KCNU1: variants seen among roughly 807,000 people sequenced by gnomAD.
The protein encoded by KCNU1 is potassium calcium-activated channel subfamily U member 1, also known as potassium channel subfamily U member 1.
Under a neutral mutation model 126.8 loss-of-function variants are expected in KCNU1, and 93 were observed. The observed-to-expected ratio is 0.73, with a 90% CI of 0.62 to 0.87. KCNU1 has a LOEUF of 0.87. Among genes scored for constraint, KCNU1 ranks in the 40% least tolerant of loss-of-function variants. KCNU1 has a pLI of 0.00. For synonymous variants in KCNU1, 523 were observed against 494.2 expected (o/e 1.06, Z -0.77); for missense variants, 1,330 against 1,367.1 (o/e 0.97, Z 0.43).
In KCNU1 at chr8:36,887,451, TG is replaced by T. The variant is rs770264664; in HGVS notation, c.2010-18256del. ...TGTTTATTGGCCATTTGTTTTTTTT[TG>T]TTTTTTTTTTTTTTTTTGGAGAAAT... On this transcript the variant is annotated intron_variant, in intron 19 of 26. Coordinates refer to ENST00000399881, the MANE Select transcript of KCNU1 (RefSeq NM_001031836.3). Among the ~76,000 whole-genome samples, 1,166 of 144,876 alleles carry T rather than the reference TG, an allele frequency of 8.0e-3. 6 individuals are homozygous for T. The highest frequency in any genetic ancestry group is 0.014 in the Middle Eastern group (4 of 288).
chr8:36,796,456 C>T (rs1803103631), intron 2 of KCNU1, among the ~76,000 whole-genome samples: 1 of 152,126 alleles, frequency 6.6e-6, no homozygotes, highest in African/African-American at 2.4e-5. Context: ...TGTCAGACAG[C>T]TTCATTTATA....
chr8:36,924,002 G>C (rs899981881), intron 24 of KCNU1, among the ~76,000 whole-genome samples: 1 of 152,168 alleles, frequency 6.6e-6, no homozygotes, highest in African/African-American at 2.4e-5. Context: ...TTAGAGTAAG[G>C]AGCTATTATT....
chr8:36,790,635 A>T (rs1331931983), intron 2 of KCNU1, among the ~76,000 whole-genome samples: 1 of 152,158 alleles, frequency 6.6e-6, no homozygotes, highest in African/African-American at 2.4e-5. Flanking sequence ...CCATAAAAGG[A>T]GAAATTTAAA....
chr8:36,846,137 A>T (rs79606526), intron 18 of KCNU1, among the ~76,000 whole-genome samples: 3,848 of 152,364 alleles, frequency 0.025, 164 homozygotes, highest in African/African-American at 0.087. Flanking sequence ...TAAGAGATCC[A>T]GTCACTTTGT....
At chr8:36,890,027 A>T (rs1806895621) in intron 19 of KCNU1, among the ~76,000 whole-genome samples, 1 of 152,046 alleles carries the variant, frequency 6.6e-6, no homozygotes, top group Non-Finnish European at 1.5e-5. Flanking sequence ...TTTTTCTTCA[A>T]AATTGAAGGA....
intron 19 of KCNU1, among the ~76,000 whole-genome samples, chr8:36,874,869 T>G (rs561006064): frequency 2.0e-4 from 30 of 152,102 alleles, no homozygotes; most frequent in African/African-American, 7.2e-4. Context: ...TTTTTCTCCT[T>G]GAACGTCCCT....
intron 24 of KCNU1, among the ~76,000 whole-genome samples, chr8:36,928,595 A>G (rs1808602237): frequency 6.6e-6 from 1 of 152,154 alleles, no homozygotes. Context: ...TATTTTTATT[A>G]TCTTCTAATT....
intron 16 of KCNU1, among the ~76,000 whole-genome samples, chr8:36,844,934 G>A (rs996916324): frequency 3.9e-5 from 6 of 152,142 alleles, no homozygotes; most frequent in Non-Finnish European, 7.3e-5. Flanking sequence ...CTGCATCAAA[G>A]AGTATCATGG....
intron 24 of KCNU1, 101 bp from the exon 25 acceptor site, chr8:36,930,850 A>G: frequency 1.4e-6 from 1 of 709,814 alleles, no homozygotes; most frequent in Non-Finnish European, 2.3e-6. Context: ...CATCAGGTCC[A>G]TGTTAAACAG....
In KCNU1 at chr8:36,918,049, T is replaced by C. The variant is rs551011737; in HGVS notation, c.2522-774T>C. ...CTTGCAATGTGTCCTAAAGCACTCA[T>C]GGGGACAGCACCACCCATATATTTG... is the stretch of plus-strand genomic sequence containing the variant. On this transcript the variant is annotated intron_variant, in intron 22 of 26. Coordinates refer to ENST00000399881, the MANE Select transcript of KCNU1 (RefSeq NM_001031836.3). Among the ~76,000 whole-genome samples, 12 of 152,270 alleles carry C rather than the reference T, an allele frequency of 7.9e-5. 1 individual carries two copies. In the South Asian group the frequency reaches 2.3e-3, roughly 29 times the overall value.
intron 19 of KCNU1, among the ~76,000 whole-genome samples, chr8:36,898,926 C>T (rs930054862): frequency 3.3e-5 from 5 of 151,982 alleles, no homozygotes; most frequent in African/African-American, 1.2e-4. Flanking sequence ...ACCTGCTGCT[C>T]TGGGTCATGT....
chr8:36,888,696 T>A, intron 19 of KCNU1: 1 of 534,526 alleles, frequency 1.9e-6, no homozygotes. Context: ...GTTGATATTG[T>A]TACAAACCAT....
At chr8:36,792,002 C>A (rs982838037) in intron 2 of KCNU1, among the ~76,000 whole-genome samples, 1 of 152,078 alleles carries the variant, frequency 6.6e-6, no homozygotes, top group Non-Finnish European at 1.5e-5. Context: ...AAAGAAAACA[C>A]TGTCAGGAAA....
chr8:36,787,862 A>C (rs1012679137), intron 2 of KCNU1, among the ~76,000 whole-genome samples: 1 of 146,510 alleles, frequency 6.8e-6, no homozygotes, highest in Non-Finnish European at 1.5e-5. Context: ...TTGACTAATT[A>C]TATATTTATA....
intron 10 of KCNU1, among the ~76,000 whole-genome samples, chr8:36,823,923 C>T (rs1004423193): frequency 6.6e-6 from 1 of 151,212 alleles, no homozygotes; most frequent in Non-Finnish European, 1.5e-5. Context: ...CTGCAACCTC[C>T]GCCTCCCAGA....
chr8:36,847,494 C>T (rs1226689022), intron 18 of KCNU1, among the ~76,000 whole-genome samples: 1 of 152,112 alleles, frequency 6.6e-6, no homozygotes, highest in Non-Finnish European at 1.5e-5. Context: ...CTCTCTGCAT[C>T]TTCCCCTCCC....
rs370842448 is a variant in KCNU1 at position 36,876,630 on chromosome 8, G to A, written c.2009+12109G>A. The stretch of plus-strand genomic sequence containing the variant: ...TTATCCCCACCTCCAGATCTGTGGC[G>A]CTGCCTCAAGTTCTCCTCCTCCTCC... On this transcript the variant is annotated intron_variant, in intron 19 of 26. Transcript: ENST00000399881. Among the ~76,000 whole-genome samples, 190 of 152,160 alleles carry A rather than the reference G, an allele frequency of 1.2e-3. 1 individual carries two copies. The highest frequency in any genetic ancestry group is 4.4e-3 in the African/African-American group (182 of 41,534).
intron 10 of KCNU1, among the ~76,000 whole-genome samples, chr8:36,827,311 T>C (rs1182899723): frequency 2.0e-5 from 3 of 152,206 alleles, no homozygotes; most frequent in African/African-American, 4.8e-5. Flanking sequence ...CTTCTTTGCT[T>C]CTATGCTTTT....
chr8:36,869,584 A>G (rs1023707948), intron 19 of KCNU1, among the ~76,000 whole-genome samples: 2 of 152,090 alleles, frequency 1.3e-5, no homozygotes, highest in African/African-American at 4.8e-5. Flanking sequence ...CACAAATATT[A>G]GCCATGAGCA....
Sources: allele counts gnomAD v4.1 joint callset (sites outside exome capture counted in the v4.1 genomes callset), GRCh38; gene constraint gnomAD v4.1.1; transcripts MANE v1.5; gene names NCBI Gene and HGNC (gene_info 2026-07-23, HGNC 2026-07-21).